Variants in ADAMTSL1 observed in about 807,000 individuals in gnomAD.
The protein encoded by ADAMTSL1 is ADAMTS like 1, also known as ADAMTS-like protein 1.
ADAMTSL1 carries 126 observed loss-of-function variants against 201.8 expected under a neutral mutation model. The observed-to-expected ratio is 0.62, with a 90% CI of 0.54 to 0.72. The LOEUF (loss-of-function observed/expected upper bound fraction) is 0.72, where lower values mean the gene tolerates loss of function less well. Ranked by LOEUF, ADAMTSL1 falls within the 30% of genes least tolerant of loss-of-function variation. The probability of loss-of-function intolerance (pLI) is 0.00; values close to 1 mark genes in which losing one functional copy is unlikely to be tolerated. For synonymous variants in ADAMTSL1, 1,121 were observed against 903.4 expected (o/e 1.24, Z -4.32); for missense variants, 2,679 against 2,277.8 (o/e 1.18, Z -3.59).
intron 1 of ADAMTSL1, among the ~76,000 whole-genome samples, chr9:18,148,391 C>G (rs1160816614): frequency 1.3e-5 from 2 of 148,592 alleles, no homozygotes; most frequent in African/African-American, 4.9e-5. Context: ...TATTTGGTAA[C>G]TATAAAACAG....
chr9:18,807,150 C>T (rs905583104), intron 20 of ADAMTSL1, among the ~76,000 whole-genome samples: 1 of 152,070 alleles, frequency 6.6e-6, no homozygotes, highest in African/African-American at 2.4e-5. Context: ...GCCTTTATTT[C>T]GGTTTCCTTA....
rs145655468 is a variant in ADAMTSL1, at chr9:18,855,637, A to C, written c.4249+25660A>C. 4.0e-3 allele frequency among the ~76,000 whole-genome samples: 616 copies of C among 152,300 alleles called. 26 individuals carry two copies. The highest frequency in any genetic ancestry group is 0.037 in the Admixed American group (559 of 15,292). On this transcript the variant is annotated intron_variant, in intron 23 of 28. Coordinates refer to ENST00000380548, the MANE Select transcript of ADAMTSL1 (RefSeq NM_001040272.6). ...TTTATCTCTGAAAGGATGTAGAAAG[A>C]CCAGTTTAGCTCATAAAACATCATT... is the stretch of plus-strand genomic sequence containing the variant.
At chr9:18,639,169 C>A in intron 6 of ADAMTSL1, 85 bp from the exon 7 acceptor site, 2 of 1,350,848 alleles carry the variant, frequency 1.5e-6, no homozygotes, top group Non-Finnish European at 2.1e-6. Context: ...CCTTACCTAG[C>A]TCTAAACATT....
rs1034264072 is a variant in ADAMTSL1, at chr9:18,846,602, A to T, written c.4249+16625A>T. On this transcript the variant is annotated intron_variant, in intron 23 of 28. Coordinates refer to ENST00000380548, the MANE Select transcript of ADAMTSL1 (RefSeq NM_001040272.6). ...TAAACAGCTTAAAAACAAGAGAGAG[A>T]GGTTGTCTAACTTGCGTTTTTAAAA... Among the ~76,000 whole-genome samples, 6 of 152,068 alleles carry T rather than the reference A, an allele frequency of 3.9e-5. No individual in the cohort carries two copies. The South Asian group carries it at 1.2e-3, about 32-fold the overall frequency.
intron 1 of ADAMTSL1, among the ~76,000 whole-genome samples, chr9:18,038,074 A>C (rs2131625920): frequency 6.6e-6 from 1 of 152,336 alleles, no homozygotes; most frequent in South Asian, 2.1e-4. Context: ...TGGGACCAAC[A>C]AGATGCAGTA....
At position 18,001,022 on chromosome 9, in the gene ADAMTSL1, G is replaced by A. The variant is rs571852962; in HGVS notation, c.87+94100G>A. On this transcript the variant is annotated intron_variant, in intron 1 of 29. Coordinates refer to the ADAMTSL1 transcript ENST00000680146. The stretch of plus-strand genomic sequence containing the variant: ...CCATCAGGACTGTATCCAGTTGGGG[G>A]AAGTTAGTTTCTAAAAGGAAAATGA... Among the ~76,000 whole-genome samples the A allele has an allele frequency of 5.3e-5, 8 of 152,132 alleles. No homozygotes were observed. In the South Asian group the frequency reaches 1.7e-3, roughly 32 times the overall value.
At chr9:18,905,616 G>GT (rs1830259725) in intron 26 of ADAMTSL1, 166 bp from the exon 27 acceptor site, 6 of 586,918 alleles carry the variant, frequency 1.0e-5, no homozygotes, top group Admixed American at 2.8e-5. Flanking sequence ...TAAAGAAAAC[G>GT]TATCAGTGAG....
At chr9:18,041,362 G>A (rs1270840975) in intron 1 of ADAMTSL1, among the ~76,000 whole-genome samples, 1 of 152,096 alleles carries the variant, frequency 6.6e-6, no homozygotes, top group Non-Finnish European at 1.5e-5. Flanking sequence ...CTAGTTTTAT[G>A]GAAGTGTCAT....
intron 2 of ADAMTSL1, among the ~76,000 whole-genome samples, chr9:18,222,924 C>G (rs1314934234): frequency 6.6e-6 from 1 of 151,828 alleles, no homozygotes; most frequent in Admixed American, 6.6e-5. Flanking sequence ...AATAGAGCTG[C>G]CAGTGTAATT....
chr9:18,339,631 C>G (rs149360126), intron 2 of ADAMTSL1, among the ~76,000 whole-genome samples: 2,889 of 152,134 alleles, frequency 0.019, 42 homozygotes, highest in Non-Finnish European at 0.029. Flanking sequence ...TATTTTTTAA[C>G]TTTTTTTACA....
chr9:18,189,558 A>C (rs896419858), intron 2 of ADAMTSL1, among the ~76,000 whole-genome samples: 20 of 152,172 alleles, frequency 1.3e-4, no homozygotes, highest in Non-Finnish European at 2.1e-4. Flanking sequence ...CCAATTTGGT[A>C]AAATTAAATA....
intron 1 of ADAMTSL1, among the ~76,000 whole-genome samples, chr9:17,930,155 A>T (rs1405699278): frequency 6.6e-6 from 1 of 152,196 alleles, no homozygotes; most frequent in Admixed American, 6.5e-5. Flanking sequence ...TTTCTCGGTC[A>T]CATAAAGTCC....
At chr9:18,628,046 T>G (rs577145953) in intron 5 of ADAMTSL1, among the ~76,000 whole-genome samples, 1 of 152,330 alleles carries the variant, frequency 6.6e-6, no homozygotes, top group Admixed American at 6.5e-5. Flanking sequence ...TCATAGCTTT[T>G]TTATTCAAAA....
At chr9:18,886,234 A>G (rs1293350933) in intron 23 of ADAMTSL1, among the ~76,000 whole-genome samples, 1 of 146,434 alleles carries the variant, frequency 6.8e-6, no homozygotes, top group Non-Finnish European at 1.5e-5. Flanking sequence ...ATATACATAC[A>G]TACAAGTATA....
intron 15 of ADAMTSL1, among the ~76,000 whole-genome samples, chr9:18,738,648 A>G (rs1395198354): frequency 2.6e-5 from 4 of 152,148 alleles, no homozygotes; most frequent in Admixed American, 2.6e-4. Flanking sequence ...AAAAATAGAT[A>G]ATCTGCTCTG....
intron 23 of ADAMTSL1, among the ~76,000 whole-genome samples, chr9:18,875,488 C>T (rs183637215): frequency 6.6e-6 from 1 of 152,238 alleles, no homozygotes; most frequent in East Asian, 1.9e-4. Flanking sequence ...TTTTTAATTT[C>T]TACCTTGATT....
chr9:18,072,914 G>T (rs1260902786), intron 1 of ADAMTSL1, among the ~76,000 whole-genome samples: 1 of 152,124 alleles, frequency 6.6e-6, no homozygotes, highest in Admixed American at 6.5e-5. Flanking sequence ...GATTGTATTT[G>T]TTGTCCATTT....
intron 2 of ADAMTSL1, among the ~76,000 whole-genome samples, chr9:18,301,064 T>C (rs1392374891): frequency 1.3e-5 from 2 of 152,166 alleles, no homozygotes; most frequent in Non-Finnish European, 2.9e-5. Context: ...ATACTATTTA[T>C]ATAGCCATAA....
Position 18,908,520 on chromosome 9 carries a change from G to C in ADAMTSL1, c.5261G>C (p.Arg1754Pro). 1 of 1,562,916 alleles carries C rather than the reference G, an allele frequency of 6.4e-7. No homozygotes were observed. The highest frequency in any genetic ancestry group is 8.7e-7 in the Non-Finnish European group (1 of 1,153,602). ...TGCCAACTCAGCCAGTTTAAATCTC[G>C]CTGCTGTGGAACTTGTGGCAAAGCG... ...KLCQLSQFKSRCCGTCGKA is the reference protein window; with the variant it reads ...KLCQLSQFKSPCCGTCGKA The change falls in exon 29 of 29, where the codon CGC (arginine) becomes CCC (proline). Residue 1754 changes from arginine to proline, a missense_variant. Physicochemically the swap from Arg to Pro is moderately radical, Grantham distance 103 (BLOSUM62 -2). Transcript: ENST00000380548.
Sources: gnomAD v4.1 joint callset for allele counts (sites outside exome capture counted in the v4.1 genomes callset) on GRCh38, gnomAD v4.1.1 for gene constraint, MANE v1.5 for transcripts, NCBI Gene and HGNC (gene_info 2026-07-23, HGNC 2026-07-21) for gene names.